Variants in A1CF observed in about 807,000 individuals in gnomAD.
A1CF encodes APOBEC-1 stimulating protein.
A1CF carries 48 observed loss-of-function variants against 68.9 expected under a neutral mutation model. That is an observed-to-expected ratio of 0.70 (90% confidence interval 0.55 to 0.89). The LOEUF is 0.89. Ranked by LOEUF, A1CF falls within the 40% of genes least tolerant of loss-of-function variation. The probability of loss-of-function intolerance (pLI) is 0.00; values close to 1 mark genes in which losing one functional copy is unlikely to be tolerated. For missense variants in A1CF, 653 were observed against 718.9 expected (o/e 0.91, Z 1.05); for synonymous variants, 272 against 260.4 (o/e 1.04, Z -0.43).
chr10:50,837,925 T>C (rs1422853283), intron 5 of A1CF, among the ~76,000 whole-genome samples: 1 of 152,226 alleles, frequency 6.6e-6, no homozygotes, highest in Non-Finnish European at 1.5e-5. Flanking sequence ...TAAAAATGTT[T>C]AGAAAAATCT....
chr10:50,874,245 TG>T (rs1432082383), intron 1 of A1CF, among the ~76,000 whole-genome samples: 1 of 152,068 alleles, frequency 6.6e-6, no homozygotes, highest in African/African-American at 2.4e-5. Context: ...TTGTTTTGTT[TG>T]AGGAAAAAGT....
chr10:50,816,329 C>T, intron 8 of A1CF, 50 bp from the exon 9 acceptor site: 1 of 1,584,116 alleles, frequency 6.3e-7, no homozygotes, highest in Non-Finnish European at 8.6e-7. Flanking sequence ...TGAAGATAAC[C>T]AAGTGTGGCT....
intron 3 of A1CF, among the ~76,000 whole-genome samples, chr10:50,857,686 T>A (rs1244827520): frequency 6.6e-6 from 1 of 152,200 alleles, no homozygotes; most frequent in Admixed American, 6.6e-5. Flanking sequence ...CTGGTGGATC[T>A]AACTCACTCC....
intron 1 of A1CF, among the ~76,000 whole-genome samples, chr10:50,884,443 A>G (rs1241844735): frequency 6.6e-6 from 1 of 152,224 alleles, no homozygotes; most frequent in Non-Finnish European, 1.5e-5. Context: ...CTCTGTATTT[A>G]GCAGGGCAAA....
At chr10:50,833,208 C>A (rs1839331507) in intron 6 of A1CF, among the ~76,000 whole-genome samples, 1 of 152,164 alleles carries the variant, frequency 6.6e-6, no homozygotes, top group Non-Finnish European at 1.5e-5. Context: ...TGATTCAAAT[C>A]ATGGGTTTTC....
chr10:50,860,016 A>T, intron 2 of A1CF, 31 bp from the exon 3 acceptor site: 2 of 1,175,460 alleles, frequency 1.7e-6, no homozygotes, highest in Non-Finnish European at 2.5e-6. Context: ...AATTAAGTAA[A>T]TTACTGTTGT....
At position 50,844,015 on chromosome 10, in the gene A1CF, CT is replaced by C; in HGVS notation, c.206del (p.Glu69GlyfsTer17). On this transcript the variant is annotated frameshift_variant, in exon 4 of 13. Coordinates refer to ENST00000373997, the MANE Select transcript of A1CF (RefSeq NM_014576.4). LOFTEE classifies it high-confidence loss of function. The part of the protein sequence containing the change: ...FIGKLPRDLF[E>X]DELIPLCEKI... ...TTTCACATAATGGTATAAGCTCATC[CT>C]CAAAAAGGTCTCGGGGAAGTTTTCC... The C allele has an allele frequency of 6.2e-7, 1 of 1,613,662 alleles. No individual in the cohort carries two copies. The highest frequency in any genetic ancestry group is 8.5e-7 in the Non-Finnish European group (1 of 1,179,758).
intron 5 of A1CF, among the ~76,000 whole-genome samples, chr10:50,836,663 A>T (rs372551977): frequency 6.8e-6 from 1 of 146,880 alleles, no homozygotes; most frequent in Non-Finnish European, 1.5e-5. Flanking sequence ...TGCATTAGGT[A>T]TATCTCCTAA....
At chr10:50,816,386 A>G (rs1838375784) in intron 8 of A1CF, 107 bp from the exon 9 acceptor site, 5 of 1,238,000 alleles carry the variant, frequency 4.0e-6, no homozygotes, top group Non-Finnish European at 5.6e-6. Flanking sequence ...TATTTGCTGT[A>G]GGTTTATTGA....
intron 11 of A1CF, 93 bp downstream of exon 11, chr10:50,810,947 A>C: frequency 7.5e-7 from 1 of 1,332,434 alleles, no homozygotes; most frequent in Non-Finnish European, 1.0e-6. Flanking sequence ...TAGGTAGTAG[A>C]CCTCAGTATC....
At chr10:50,872,862 G>A (rs866809139) in intron 1 of A1CF, among the ~76,000 whole-genome samples, 5 of 151,048 alleles carry the variant, frequency 3.3e-5, no homozygotes, top group African/African-American at 4.9e-5. Context: ...CAAGTGTGGC[G>A]CCTTCATGGT....
intron 1 of A1CF, among the ~76,000 whole-genome samples, chr10:50,864,285 TG>T (rs773096531): frequency 1.6e-3 from 244 of 152,284 alleles, no homozygotes; most frequent in Non-Finnish European, 1.9e-3. Context: ...TGTGAAGCAT[TG>T]CCCTAGGTTT....
At position 50,836,204 on chromosome 10, in the gene A1CF, C is replaced by T; in HGVS notation, c.474G>A (p.Lys158=). The T allele has an allele frequency of 6.2e-7, 1 of 1,614,024 alleles. No individual in the cohort carries two copies. The highest frequency in any genetic ancestry group is 1.7e-5 in the Admixed American group (1 of 60,008). The change falls in exon 6 of 13, where the codon AAG becomes AAA. Residue 158 remains lysine, a synonymous_variant. Transcript: ENST00000373997. ...TGACATCGACAACACCTTCAGTAAC[C>T]TTTTTCATCTCCGATAAGATTTCTT... is the stretch of plus-strand genomic sequence containing the variant. ...KREEILSEMK[K]VTEGVVDVIV... is the part of the protein sequence containing the mutation.
chr10:50,854,095 T>C (rs1252969894), intron 3 of A1CF, among the ~76,000 whole-genome samples: 4 of 152,036 alleles, frequency 2.6e-5, no homozygotes, highest in African/African-American at 9.7e-5. Context: ...TTTTTTTAAC[T>C]CCTGACTGAC....
At chr10:50,876,157 T>C (rs936997495) in intron 1 of A1CF, among the ~76,000 whole-genome samples, 4 of 152,232 alleles carry the variant, frequency 2.6e-5, no homozygotes, top group Non-Finnish European at 4.4e-5. Flanking sequence ...CTTGGGTATA[T>C]GTGATTGTGT....
rs1256514028 is a variant in A1CF at position 50,804,163 on chromosome 10, C to CTTA, written c.*2563_*2565dup. On this transcript the variant is annotated 3_prime_UTR_variant, in exon 13 of 13. Coordinates refer to ENST00000373997, the MANE Select transcript of A1CF (RefSeq NM_014576.4). ...AAAAAACCAAAACCACTTCTACCTA[C>CTTA]TTATACAAAACTGGCTCTAAAGAGG... 2 of 152,146 alleles carry CTTA rather than the reference C, an allele frequency of 1.3e-5. No individual in the cohort carries two copies. The highest frequency in any genetic ancestry group is 6.5e-5 in the Admixed American group (1 of 15,280). The allele number at this position is 152,146 out of a possible 1,614,324, so 9.4% of individuals were successfully genotyped here.
At chr10:50,846,863 C>T (rs1372404324) in intron 3 of A1CF, among the ~76,000 whole-genome samples, 1 of 152,048 alleles carries the variant, frequency 6.6e-6, no homozygotes, top group Non-Finnish European at 1.5e-5. Context: ...CTGGCCAGTT[C>T]AGGGATGCCC....
intron 7 of A1CF, among the ~76,000 whole-genome samples, chr10:50,827,617 C>G (rs1839018849): frequency 6.6e-6 from 1 of 152,210 alleles, no homozygotes. Context: ...ATACCAGAAT[C>G]TCTGGAACAC....
At chr10:50,864,779 T>G (rs1277125164) in intron 1 of A1CF, among the ~76,000 whole-genome samples, 1 of 152,000 alleles carries the variant, frequency 6.6e-6, no homozygotes, top group Non-Finnish European at 1.5e-5. Context: ...CCACTACGCC[T>G]GGCTAATTTT....
Sources: gnomAD v4.1 joint callset for allele counts (sites outside exome capture counted in the v4.1 genomes callset) on GRCh38, gnomAD v4.1.1 for gene constraint, MANE v1.5 for transcripts, NCBI Gene and HGNC (gene_info 2026-07-23, HGNC 2026-07-21) for gene names.